Variants in CYP19A1 observed in about 807,000 individuals in gnomAD.
CYP19A1 encodes aromatase.
Under a neutral mutation model 44.4 loss-of-function variants are expected in CYP19A1, and 32 were observed. The observed-to-expected ratio is 0.72, with a 90% confidence interval of 0.54 to 0.97. The LOEUF (loss-of-function observed/expected upper bound fraction) is 0.97. Among genes scored for constraint, CYP19A1 ranks in the 50% least tolerant of loss-of-function variants. CYP19A1 has a pLI of 0.00. For missense variants in CYP19A1, 598 were observed against 637.8 expected (o/e 0.94, Z 0.67); for synonymous variants, 212 against 215.6 (o/e 0.98, Z 0.14).
intron 1 of CYP19A1, among the ~76,000 whole-genome samples, chr15:51,308,644 G>T (rs2445759): frequency 0.07 from 10,674 of 152,094 alleles, 420 homozygotes; most frequent in African/African-American, 0.082. Context: ...GTATGAAGAG[G>T]TACATATTCA....
At chr15:51,306,920 C>G (rs1436851495) in intron 1 of CYP19A1, among the ~76,000 whole-genome samples, 1 of 152,054 alleles carries the variant, frequency 6.6e-6, no homozygotes, top group Non-Finnish European at 1.5e-5. Flanking sequence ...TGAAAAGGCA[C>G]GGGTAAAGTT....
chr15:51,269,963 G>GCAACT, intron 1 of CYP19A1, among the ~76,000 whole-genome samples: 1 of 152,030 alleles, frequency 6.6e-6, no homozygotes, highest in South Asian at 2.1e-4. Context: ...GCTTCTTAAA[G>GCAACT]GTTCCTAACA....
chr15:51,325,993 A>G (rs752453930), intron 1 of CYP19A1, among the ~76,000 whole-genome samples: 5 of 152,174 alleles, frequency 3.3e-5, no homozygotes, highest in South Asian at 4.1e-4. Context: ...AGTGTTGAAT[A>G]GCTCTTGTTA....
intron 1 of CYP19A1, among the ~76,000 whole-genome samples, chr15:51,277,820 GTTT>G (rs573625758): frequency 6.6e-6 from 1 of 151,484 alleles, no homozygotes; most frequent in Non-Finnish European, 1.5e-5. Flanking sequence ...CAAATATCAC[GTTT>G]TTTTAAAAAA....
chr15:51,226,090 GAAAAAAAAAAAAAAA>G (rs55642133), intron 4 of CYP19A1, among the ~76,000 whole-genome samples: 2 of 44,408 alleles, frequency 4.5e-5, no homozygotes, highest in Non-Finnish European at 7.4e-5. Context: ...CTCTGTCTCA[GAAAAAAAAAAAAAAA>G]AAAAAAAAAA....
intron 1 of CYP19A1, among the ~76,000 whole-genome samples, chr15:51,309,259 C>A (rs867978148): frequency 6.6e-6 from 1 of 152,146 alleles, no homozygotes; most frequent in Non-Finnish European, 1.5e-5. Context: ...TTGGCAAAGA[C>A]CCTTGCCAGA....
chr15:51,317,905 C>G (rs1347953340), intron 1 of CYP19A1, among the ~76,000 whole-genome samples: 1 of 152,196 alleles, frequency 6.6e-6, no homozygotes, highest in East Asian at 1.9e-4. Flanking sequence ...ATTCTGTGCT[C>G]TTTGAGAGAA....
At chr15:51,264,183 G>A (rs1639582305) in intron 1 of CYP19A1, among the ~76,000 whole-genome samples, 1 of 152,194 alleles carries the variant, frequency 6.6e-6, no homozygotes, top group Non-Finnish European at 1.5e-5. Context: ...GCTGGAGGGT[G>A]GTGGCAAGAG....
chr15:51,264,143 C>G (rs376257516), intron 1 of CYP19A1, among the ~76,000 whole-genome samples: 1 of 152,130 alleles, frequency 6.6e-6, no homozygotes, highest in East Asian at 1.9e-4. Flanking sequence ...GGCTGGAGAA[C>G]TGCTGTAGAG....
chr15:51,280,377 T>C (rs1045938167), intron 1 of CYP19A1, among the ~76,000 whole-genome samples: 34 of 152,202 alleles, frequency 2.2e-4, no homozygotes, highest in Non-Finnish European at 4.1e-4. Context: ...GGATTACAGG[T>C]GTGAGCCACC....
chr15:51,271,040 A>C (rs16964232), intron 1 of CYP19A1, among the ~76,000 whole-genome samples: 3,090 of 126,884 alleles, frequency 0.024, 130 homozygotes, highest in African/African-American at 0.083. Context: ...TGCAAGTCTA[A>C]GCATTTTTTT....
At chr15:51,234,077 A>G (rs1566884355) in intron 3 of CYP19A1, among the ~76,000 whole-genome samples, 1 of 152,222 alleles carries the variant, frequency 6.6e-6, no homozygotes, top group Non-Finnish European at 1.5e-5. Flanking sequence ...ACTTTTCAAA[A>G]GAAAAAAAAA....
intron 1 of CYP19A1, among the ~76,000 whole-genome samples, chr15:51,327,077 A>G (rs1160402267): frequency 6.6e-6 from 1 of 152,194 alleles, no homozygotes; most frequent in East Asian, 1.9e-4. Context: ...AGCAGCTCGT[A>G]TTTTTGGTTT....
chr15:51,210,737 G>T lies in CYP19A1; in HGVS notation c.*71C>A. The T allele has an allele frequency of 1.0e-6, 1 of 1,002,284 alleles. No homozygotes were observed. The highest frequency in any genetic ancestry group is 1.6e-6 in the Non-Finnish European group (1 of 621,040). The allele number at this position is 1,002,284 out of a possible 1,614,324, so 62.1% of individuals were successfully genotyped here. A position where few individuals can be genotyped will look rare whatever the true frequency, so the allele number is the denominator to read the frequency against. ...TGTTCACTGTGAGGATGACACTATT[G>T]GCAAGGATGGATGATTTGTATGTGA... On this transcript the variant is annotated 3_prime_UTR_variant, in exon 10 of 10. Transcript: ENST00000396402.
At chr15:51,257,328 T>C (rs961865104) in intron 1 of CYP19A1, among the ~76,000 whole-genome samples, 11 of 152,240 alleles carry the variant, frequency 7.2e-5, no homozygotes, top group African/African-American at 2.7e-4. Context: ...CTTGTGGTCA[T>C]GGCCCCAATT....
chr15:51,266,375 A>G (rs1595737476), intron 1 of CYP19A1, among the ~76,000 whole-genome samples: 1 of 152,204 alleles, frequency 6.6e-6, no homozygotes, highest in African/African-American at 2.4e-5. Flanking sequence ...CCTGTCTCTC[A>G]TTCCAACCAG....
chr15:51,293,741 T>G (rs2035902291), intron 1 of CYP19A1: 1 of 161,116 alleles, frequency 6.2e-6, no homozygotes, highest in Non-Finnish European at 1.3e-5. Context: ...ACTTTTTTGG[T>G]GGAGACGGGG....
rs886051269 is a variant in CYP19A1, at chr15:51,208,162, T to TG, written c.*2645dup. On this transcript the variant is annotated 3_prime_UTR_variant, in exon 10 of 10. Transcript: ENST00000396402. ...TGAAAAGGGTCCCTCTATCCTTCAG[T>TG]GGGCCAATGGCACATGCTTTTGTGG... 4.6e-5 allele frequency: 7 copies of TG among 152,332 alleles called. No homozygotes were observed. The East Asian group carries it at 1.2e-3, about 25-fold the overall frequency. The allele number at this position is 152,332 out of a possible 1,614,324, so 9.4% of individuals were successfully genotyped here.
intron 1 of CYP19A1, among the ~76,000 whole-genome samples, chr15:51,267,987 A>G (rs1173822268): frequency 6.6e-6 from 1 of 152,154 alleles, no homozygotes; most frequent in Non-Finnish European, 1.5e-5. Context: ...ATAAATATGA[A>G]AGCAAAGTAC....
Sources: gnomAD v4.1 joint callset for allele counts (sites outside exome capture counted in the v4.1 genomes callset) on GRCh38, gnomAD v4.1.1 for gene constraint, MANE v1.5 for transcripts, NCBI Gene and HGNC (gene_info 2026-07-23, HGNC 2026-07-21) for gene names.